GBP6: variants seen among roughly 807,000 people sequenced by gnomAD.
GBP6 encodes guanylate-binding protein 6.
In GBP6, 54 loss-of-function variants were observed where a neutral mutation model predicts 61.5. The observed-to-expected ratio is 0.88, with a 90% CI of 0.71 to 1.10. The LOEUF (loss-of-function observed/expected upper bound fraction) is 1.10, where lower values mean the gene tolerates loss of function less well. GBP6 is among the 50% of genes least tolerant of loss of function. The probability of loss-of-function intolerance (pLI) is 0.00; values close to 1 mark genes in which losing one functional copy is unlikely to be tolerated. For missense variants in GBP6, 748 were observed against 752.8 expected (o/e 0.99, Z 0.07); for synonymous variants, 255 against 273.7 (o/e 0.93, Z 0.67).
At chr1:89,367,314 C>T (rs972147848) in intron 1 of GBP6, among the ~76,000 whole-genome samples, 5 of 152,098 alleles carry the variant, frequency 3.3e-5, no homozygotes, top group Non-Finnish European at 2.9e-5. Context: ...TAGCTAACAC[C>T]TGTTTTCAGT....
In GBP6 at chr1:89,384,213, T is replaced by C. The variant is rs1421228050; in HGVS notation, c.1589T>C (p.Leu530Pro). Residue 530 changes from leucine (L) to proline (P), a missense_variant, in exon 10 of 11, where the codon CTG becomes CCG. Leu to Pro is a moderately conservative substitution (Grantham distance 98). Transcript: ENST00000370456. ...AGTCGCAAGGAAAACATAGCCCAACTGAAGGAGAAGCTGCAGATGGAGAGA... is the reference window on the plus strand; with the variant it reads ...AGTCGCAAGGAAAACATAGCCCAACCGAAGGAGAAGCTGCAGATGGAGAGA... ...DKSRKENIAQ[L>P]KEKLQMEREH... The C allele has an allele frequency of 1.2e-6, 2 of 1,613,888 alleles. No homozygotes were observed. The highest frequency in any genetic ancestry group is 1.7e-6 in the Non-Finnish European group (2 of 1,179,922).
rs527287083 is a variant in GBP6 at position 89,382,469 on chromosome 1, G to A, written c.1153-195G>A. Reference sequence around the variant, plus strand: ...GAACCTGAAGCTCAGGAAGATTAATGAACTTTTCCATAGCCTTGAAGAGAA... The same window carrying A: ...GAACCTGAAGCTCAGGAAGATTAATAAACTTTTCCATAGCCTTGAAGAGAA... On this transcript the variant is annotated intron_variant, in intron 7 of 10. Coordinates refer to ENST00000370456, the MANE Select transcript of GBP6 (RefSeq NM_198460.3). 3.3e-5 allele frequency among the ~76,000 whole-genome samples: 5 copies of A among 152,284 alleles called. No individual in the cohort carries two copies. The East Asian group carries it at 5.8e-4, about 18-fold the overall frequency.
At chr1:89,379,735 T>C (rs1420259333) in intron 5 of GBP6, among the ~76,000 whole-genome samples, 1 of 152,238 alleles carries the variant, frequency 6.6e-6, no homozygotes, top group African/African-American at 2.4e-5. Flanking sequence ...TTCATTTTTC[T>C]ATTTATGCTT....
chr1:89,382,759 A>G lies in GBP6; in HGVS notation c.1248A>G (p.Gly416=), dbSNP rs1653015366. ...CQAKLNELSK[G]LMESISAGSF... is the part of the protein sequence containing the mutation. ...CTAAACTCAATGAGCTCTCAAAGGG[A>G]CTAATGGAAAGTATCTCAGCAGGAA... Residue 416 remains glycine, a synonymous_variant, in exon 8 of 11, where the codon GGA becomes GGG. Transcript: ENST00000370456. The G allele has an allele frequency of 6.2e-7, 1 of 1,613,998 alleles. No individual in the cohort carries two copies. Among genetic ancestry groups the G allele is most frequent in the Non-Finnish European group, 8.5e-7 (1 of 1,179,854 alleles).
intron 5 of GBP6, 50 bp downstream of exon 5, chr1:89,378,663 G>A: frequency 7.4e-7 from 1 of 1,354,540 alleles, no homozygotes; most frequent in Non-Finnish European, 1.0e-6. Context: ...TGTGTGATCT[G>A]CTAAACACTG....
In GBP6 at chr1:89,384,130, G is replaced by C; in HGVS notation, c.1506G>C (p.Gln502His). The C allele has an allele frequency of 6.2e-7, 1 of 1,614,018 alleles. No homozygotes were observed. The highest frequency in any genetic ancestry group is 1.1e-5 in the South Asian group (1 of 91,046). Residue 502 changes from glutamine (Q) to histidine (H), a missense_variant, in exon 10 of 11, where the codon CAG becomes CAC. Gln to His is a conservative substitution (Grantham distance 24). Transcript: ENST00000370456. ...AGAAGGAGGCAGCTGAGAAGGAACAGGAACTTTTAAAACAGAAATTACAGG... is the reference window on the plus strand; with the variant it reads ...AGAAGGAGGCAGCTGAGAAGGAACACGAACTTTTAAAACAGAAATTACAGG... ...RAKKEAAEKEQELLKQKLQEQ... is the reference protein window; with the variant it reads ...RAKKEAAEKEHELLKQKLQEQ...
In GBP6 at chr1:89,381,266, C is replaced by CAAA. The variant is rs769164915; in HGVS notation, c.872-408_872-406dup. On this transcript the variant is annotated intron_variant, in intron 6 of 10. Transcript: ENST00000370456. ...CACCACTGCACTCCAGCCTGGGCCT[C>CAAA]AAAAAAAAAAAAAAAAAAAAAAGTC... is the stretch of plus-strand genomic sequence containing the variant. Among the ~76,000 whole-genome samples, 50 of 51,056 alleles carry CAAA rather than the reference C, an allele frequency of 9.8e-4. No individual in the cohort carries two copies. In the South Asian group the frequency reaches 0.017, roughly 17 times the overall value. The allele number at this position is 51,056 out of a possible 152,430, so 33.5% of individuals were successfully genotyped here.
chr1:89,381,954 G>A lies in GBP6; in HGVS notation c.1132G>A (p.Glu378Lys), dbSNP rs758099328. Residue 378 changes from glutamate to lysine, a missense_variant, in exon 7 of 11, where the codon GAA becomes AAA. Physicochemically the swap from Glu to Lys is moderately conservative, Grantham distance 56. Coordinates refer to ENST00000370456, the MANE Select transcript of GBP6 (RefSeq NM_198460.3). ...MEHSFKDENQ[E>K]FQKKFMETTM... ...GCACTCCTTCAAGGATGAAAATCAG[G>A]AATTCCAGAAGAAGTTCATGGTAAT... The A allele has an allele frequency of 3.7e-6, 6 of 1,609,442 alleles. No individual in the cohort carries two copies. Among genetic ancestry groups the A allele is most frequent in the African/African-American group, 1.3e-5 (1 of 74,918 alleles).
chr1:89,385,192 T>G, intron 10 of GBP6, 38 bp from the exon 11 acceptor site: 1 of 1,569,466 alleles, frequency 6.4e-7, no homozygotes, highest in Non-Finnish European at 8.7e-7. Context: ...AGAATAGGGA[T>G]TTTTAAAAAT....
At chr1:89,369,875 G>T (rs1436988201) in intron 3 of GBP6, among the ~76,000 whole-genome samples, 1 of 152,230 alleles carries the variant, frequency 6.6e-6, no homozygotes, top group African/African-American at 2.4e-5. Context: ...GCACAGTGGT[G>T]AATGATTTGA....
At chr1:89,368,421 T>A (rs1454892352) in intron 1 of GBP6, 108 bp from the exon 2 acceptor site, 2 of 722,718 alleles carry the variant, frequency 2.8e-6, no homozygotes, top group Non-Finnish European at 4.6e-6. Flanking sequence ...TAATGCTAGA[T>A]TACATGTTGT....
In GBP6 at chr1:89,383,709, T is replaced by C. The variant is rs41288387; in HGVS notation, c.1423T>C (p.Leu475=). The C allele has an allele frequency of 0.058, 92,805 of 1,612,632 alleles. 4,735 individuals carry two copies. The highest frequency in any genetic ancestry group is 0.29 in the East Asian group (12,870 of 44,832). The part of the protein sequence containing the change: ...ESQMVIEESI[L]QSDKALTDRE... ...ACAGATGGTGATAGAGGAATCCATC[T>C]TGCAGTCAGATAAAGCCCTCACTGA... The change falls in exon 9 of 11, where the codon TTG becomes CTG. Residue 475 remains leucine (L), a synonymous_variant. Transcript: ENST00000370456.
chr1:89,382,677 A>G lies in GBP6; in HGVS notation c.1166A>G (p.Asn389Ser), dbSNP rs1161152088. The G allele has an allele frequency of 4.3e-6, 7 of 1,614,032 alleles. No individual in the cohort carries two copies. In the South Asian group the frequency reaches 6.6e-5, roughly 15 times the overall value. ...TTTCCCTTGCAGGAAACCACAATGAATAAGAAGGGGGATTTCTTGCTGCAG... is the reference window on the plus strand; with the variant it reads ...TTTCCCTTGCAGGAAACCACAATGAGTAAGAAGGGGGATTTCTTGCTGCAG... ...FQKKFMETTMNKKGDFLLQNE... is the reference protein window; with the variant it reads ...FQKKFMETTMSKKGDFLLQNE... Residue 389 changes from asparagine (N) to serine (S), a missense_variant, in exon 8 of 11, where the codon AAT becomes AGT. Asn to Ser is a conservative substitution (Grantham distance 46, BLOSUM62 1). Transcript: ENST00000370456.
rs750978838 is a variant in GBP6, at chr1:89,381,798, G to A, written c.976G>A (p.Ala326Thr). ...ITLAQRENSA[A>T]VQRAADYYSQ... ...TCTGGCCCAGCGTGAGAACTCAGCGGCCGTGCAGAGGGCAGCTGACTACTA... is the reference window on the plus strand; with the variant it reads ...TCTGGCCCAGCGTGAGAACTCAGCGACCGTGCAGAGGGCAGCTGACTACTA... The change falls in exon 7 of 11, where the codon GCC becomes ACC. Residue 326 changes from alanine (A) to threonine (T), a missense_variant. Transcript: ENST00000370456. 1 of 1,614,138 alleles carries A rather than the reference G, an allele frequency of 6.2e-7. No homozygotes were observed. The highest frequency in any genetic ancestry group is 1.1e-5 in the South Asian group (1 of 91,086).
chr1:89,370,689 A>C (rs1057430989), intron 3 of GBP6, among the ~76,000 whole-genome samples: 1 of 152,248 alleles, frequency 6.6e-6, no homozygotes, highest in Admixed American at 6.5e-5. Context: ...TTGACAAATA[A>C]AAATTATATA....
intron 9 of GBP6, 27 bp downstream of exon 9, chr1:89,383,781 GGA>G (rs758500925): frequency 6.6e-7 from 1 of 1,507,356 alleles, no homozygotes; most frequent in Non-Finnish European, 9.1e-7. Context: ...AGCTTACACA[GGA>G]GGGGTACGTT....
intron 1 of GBP6, among the ~76,000 whole-genome samples, 186 bp downstream of exon 1, chr1:89,364,313 G>A (rs9428022): frequency 0.29 from 43,767 of 152,130 alleles, 7,391 homozygotes; most frequent in South Asian, 0.45. Flanking sequence ...AGCCGGGCAC[G>A]CCGCGTCCCC....
chr1:89,383,871 C>A, intron 9 of GBP6, 117 bp downstream of exon 9: 1 of 891,908 alleles, frequency 1.1e-6, no homozygotes, highest in Non-Finnish European at 1.7e-6. Context: ...AACACACACT[C>A]TGCTAAATCT....
intron 2 of GBP6, among the ~76,000 whole-genome samples, chr1:89,369,196 A>G (rs1287424101): frequency 1.3e-5 from 2 of 151,846 alleles, no homozygotes; most frequent in Non-Finnish European, 2.9e-5. Context: ...AAAGATCTCA[A>G]TTTCCCTTTT....
Sources: gnomAD v4.1 joint callset for allele counts (sites outside exome capture counted in the v4.1 genomes callset) on GRCh38, gnomAD v4.1.1 for gene constraint, MANE v1.5 for transcripts, NCBI Gene and HGNC (gene_info 2026-07-23, HGNC 2026-07-21) for gene names.